Variants in CIMIP6 observed in about 807,000 individuals in gnomAD.
The protein encoded by CIMIP6 is uncharacterized protein C2orf73.
chr2:54,369,721 A>G, the CIMIP6 span, among the ~76,000 whole-genome samples: 5 of 152,210 alleles, frequency 3.3e-5, no homozygotes, highest in Admixed American at 3.3e-4. Flanking sequence ...CCAGGCCACA[A>G]GGTAGTTTGT....
chr2:54,381,325 T>C, the CIMIP6 span, among the ~76,000 whole-genome samples: 10 of 152,228 alleles, frequency 6.6e-5, no homozygotes, highest in East Asian at 9.6e-4. Flanking sequence ...CAAATGATGT[T>C]GAGCGAGTTG....
At chr2:54,347,223 ATAAC>A in the CIMIP6 span, among the ~76,000 whole-genome samples, 3 of 152,238 alleles carry the variant, frequency 2.0e-5, no homozygotes, top group Non-Finnish European at 2.9e-5. Context: ...TATAGGCAAA[ATAAC>A]TAAGAGGAGT....
At chr2:54,349,039 T>C in the CIMIP6 span, among the ~76,000 whole-genome samples, 1 of 152,180 alleles carries the variant, frequency 6.6e-6, no homozygotes, top group Non-Finnish European at 1.5e-5. Context: ...ATCTAATATG[T>C]GAAGGGGGTA....
At chr2:54,364,558 G>A in the CIMIP6 span, among the ~76,000 whole-genome samples, 2 of 152,156 alleles carry the variant, frequency 1.3e-5, no homozygotes, top group Non-Finnish European at 2.9e-5. Context: ...GAACATAAAT[G>A]ATTTCCCCAA....
At chr2:54,345,430 C>T in the CIMIP6 span, among the ~76,000 whole-genome samples, 1 of 152,290 alleles carries the variant, frequency 6.6e-6, no homozygotes, top group African/African-American at 2.4e-5. Context: ...TGCTTTCCTT[C>T]TGGTATAGGG....
At chr2:54,344,875 A>G in the CIMIP6 span, among the ~76,000 whole-genome samples, 1 of 152,184 alleles carries the variant, frequency 6.6e-6, no homozygotes, top group Admixed American at 6.5e-5. Flanking sequence ...TGTTTGGGAA[A>G]TCCAACTTTT....
chr2:54,376,003 T>A, the CIMIP6 span, among the ~76,000 whole-genome samples: 1 of 152,190 alleles, frequency 6.6e-6, no homozygotes, highest in Non-Finnish European at 1.5e-5. Flanking sequence ...TCAATGTTGT[T>A]TAAAATTTTT....
At chr2:54,332,658 A>T in the CIMIP6 span, among the ~76,000 whole-genome samples, 1 of 152,200 alleles carries the variant, frequency 6.6e-6, no homozygotes, top group African/African-American at 2.4e-5. Flanking sequence ...ATCAACCCGT[A>T]GGCATTCATA....
At chr2:54,368,710 T>A in the CIMIP6 span, among the ~76,000 whole-genome samples, 2 of 152,172 alleles carry the variant, frequency 1.3e-5, no homozygotes, top group African/African-American at 4.8e-5. Flanking sequence ...GTCAACCATG[T>A]CTTATATGAC....
the CIMIP6 span, among the ~76,000 whole-genome samples, chr2:54,338,094 G>T: frequency 3.3e-5 from 5 of 152,180 alleles, no homozygotes; most frequent in Admixed American, 6.5e-5. Flanking sequence ...CTATGTTCAT[G>T]CCATTGCACT....
the CIMIP6 span, among the ~76,000 whole-genome samples, chr2:54,345,456 T>C: frequency 2.6e-5 from 4 of 152,220 alleles, no homozygotes; most frequent in East Asian, 1.9e-4. Context: ...ATCTTTTACG[T>C]AGGAATTTCA....
the CIMIP6 span, among the ~76,000 whole-genome samples, chr2:54,368,282 A>G: frequency 6.6e-6 from 1 of 151,786 alleles, no homozygotes; most frequent in South Asian, 2.1e-4. Context: ...AATAAAGTTA[A>G]AATTTCTTTG....
At chr2:54,335,765 C>T in the CIMIP6 span, among the ~76,000 whole-genome samples, 1 of 152,132 alleles carries the variant, frequency 6.6e-6, no homozygotes, top group African/African-American at 2.4e-5. Context: ...GTCCAAAATC[C>T]GTCTCACTGA....
chr2:54,359,642 AGT>A, the CIMIP6 span, among the ~76,000 whole-genome samples: 3 of 151,634 alleles, frequency 2.0e-5, no homozygotes, highest in African/African-American at 4.8e-5. Context: ...ATATCAAAGC[AGT>A]TTGACAAATG....
the CIMIP6 span, among the ~76,000 whole-genome samples, chr2:54,357,937 A>G: frequency 6.6e-6 from 1 of 152,232 alleles, no homozygotes; most frequent in East Asian, 1.9e-4. Flanking sequence ...ATTTTACTTC[A>G]CTAAACTTTT....
the CIMIP6 span, among the ~76,000 whole-genome samples, chr2:54,337,604 G>T: frequency 6.6e-6 from 1 of 152,148 alleles, no homozygotes; most frequent in Non-Finnish European, 1.5e-5. Context: ...TTTGAGAATA[G>T]AAATATGAAA....
At chr2:54,353,515 G>C in the CIMIP6 span, among the ~76,000 whole-genome samples, 1 of 152,016 alleles carries the variant, frequency 6.6e-6, no homozygotes, top group East Asian at 1.9e-4. Flanking sequence ...GGTTTTCAAG[G>C]CTTCTGCAGA....
the CIMIP6 span, among the ~76,000 whole-genome samples, chr2:54,353,715 T>C: frequency 6.6e-6 from 1 of 152,190 alleles, no homozygotes; most frequent in African/African-American, 2.4e-5. Context: ...ATTGCTTTTG[T>C]GGAGGAGCAG....
At chr2:54,344,046 C>A in the CIMIP6 span, among the ~76,000 whole-genome samples, 1 of 152,148 alleles carries the variant, frequency 6.6e-6, no homozygotes, top group Non-Finnish European at 1.5e-5. Context: ...TCCTAGTGGA[C>A]AGTTTGTCTC....
Sources: allele counts gnomAD v4.1 joint callset (sites outside exome capture counted in the v4.1 genomes callset), GRCh38; gene constraint gnomAD v4.1.1; transcripts MANE v1.5; gene names NCBI Gene and HGNC (gene_info 2026-07-23, HGNC 2026-07-21).